Variants in PRKD1 observed in about 807,000 individuals in gnomAD.
PRKD1 encodes the protein serine/threonine-protein kinase D1.
Under a neutral mutation model 95.9 loss-of-function variants are expected in PRKD1, and 63 were observed. The ratio of observed to expected loss-of-function variants is 0.66; its 90% CI spans 0.54 to 0.81. The LOEUF (loss-of-function observed/expected upper bound fraction) is 0.81, where lower values mean the gene tolerates loss of function less well. Ranked by LOEUF, PRKD1 falls within the 30% of genes least tolerant of loss-of-function variation. PRKD1 has a pLI of 0.00. For missense variants in PRKD1, 1,048 were observed against 1,165.3 expected (o/e 0.90, Z 1.47); for synonymous variants, 425 against 423.1 (o/e 1.00, Z -0.05).
intron 1 of PRKD1, among the ~76,000 whole-genome samples, chr14:29,916,403 C>T (rs987018865): frequency 6.6e-6 from 1 of 152,170 alleles, no homozygotes; most frequent in African/African-American, 2.4e-5. Flanking sequence ...CCTCAGGTGC[C>T]ATAAGTCTCA....
intron 1 of PRKD1, among the ~76,000 whole-genome samples, chr14:29,763,125 TAAAAAAAAA>T (rs36087571): frequency 3.1e-5 from 2 of 64,796 alleles, no homozygotes; most frequent in African/African-American, 1.3e-4. Context: ...TCTCTAAAAT[TAAAAAAAAA>T]AAAAAAAAAA....
chr14:29,885,804 T>TAAAAAG lies in PRKD1; in HGVS notation c.264+41444_264+41445insCTTTTT, dbSNP rs1491426418. Reference sequence around the variant, plus strand: ...CAACATGGTGAAACCCCATCTTTACTAAAAAAAAAAAAAAAAAAAAAAAAA... The same window carrying TAAAAAG: ...CAACATGGTGAAACCCCATCTTTACTAAAAAGAAAAAAAAAAAAAAAAAAAAAAAAA... On this transcript the variant is annotated intron_variant, in intron 1 of 17. Coordinates refer to ENST00000331968, the MANE Select transcript of PRKD1 (RefSeq NM_002742.3). Among the ~76,000 whole-genome samples, 35 of 53,486 alleles carry TAAAAAG rather than the reference T, an allele frequency of 6.5e-4. 1 individual carries two copies. The highest frequency in any genetic ancestry group is 2.2e-3 in the African/African-American group (35 of 16,106). The allele number at this position is 53,486 out of a possible 152,430, so 35.1% of individuals were successfully genotyped here. A position where few individuals can be genotyped will look rare whatever the true frequency, so the allele number is the denominator to read the frequency against.
chr14:29,927,380 G>C lies in PRKD1; in HGVS notation c.133C>G (p.Pro45Ala). Residue 45 changes from proline (P) to alanine (A), a missense_variant, in exon 1 of 18, where the codon CCG (proline) becomes GCG (alanine). Physicochemically the swap from Pro to Ala is conservative, Grantham distance 27. This residue lies in a region of PRKD1 where 275 missense variants were observed against 248.6 expected (regional missense o/e 1.11). Transcript: ENST00000331968. ...PAPFLAPVAA[P>A]VGGISFHLQI... ...AGATGGAACGAGATGCCCCCGACCG[G>C]GGCCGCGACAGGAGCCAAGAACGGC... The C allele has an allele frequency of 6.4e-7, 1 of 1,556,122 alleles. No homozygotes were observed. Among genetic ancestry groups the C allele is most frequent in the African/African-American group, 1.4e-5 (1 of 71,070 alleles).
At chr14:29,653,706 T>C (rs960709277) in intron 4 of PRKD1, among the ~76,000 whole-genome samples, 2 of 152,090 alleles carry the variant, frequency 1.3e-5, no homozygotes, top group Non-Finnish European at 2.9e-5. Context: ...TGAAAATATG[T>C]CTTCTCCATG....
At chr14:29,596,571 A>T (rs1893313939) in intron 16 of PRKD1, among the ~76,000 whole-genome samples, 1 of 152,144 alleles carries the variant, frequency 6.6e-6, no homozygotes, top group Admixed American at 6.6e-5. Context: ...CTCCTGCCTC[A>T]GCCTCCTGAG....
intron 13 of PRKD1, among the ~76,000 whole-genome samples, chr14:29,621,788 C>T (rs971348486): frequency 2.6e-5 from 4 of 152,090 alleles, no homozygotes; most frequent in Admixed American, 2.6e-4. Context: ...TCAATAAATA[C>T]TAGTTTGATG....
chr14:29,746,529 T>TACACACACACAC (rs139747043), intron 1 of PRKD1, among the ~76,000 whole-genome samples: 1 of 146,410 alleles, frequency 6.8e-6, no homozygotes. Flanking sequence ...TGTGTACATA[T>TACACACACACAC]ATACACACAC....
intron 2 of PRKD1, among the ~76,000 whole-genome samples, chr14:29,691,175 G>A (rs977082260): frequency 3.3e-5 from 5 of 152,042 alleles, no homozygotes; most frequent in African/African-American, 1.2e-4. Context: ...ATTCTACCGG[G>A]GTCTTTCATA....
At chr14:29,765,149 A>C (rs1888201431) in intron 1 of PRKD1, among the ~76,000 whole-genome samples, 1 of 152,180 alleles carries the variant, frequency 6.6e-6, no homozygotes, top group Admixed American at 6.6e-5. Flanking sequence ...ACTCAACTAA[A>C]TCTGAACACA....
intron 1 of PRKD1, among the ~76,000 whole-genome samples, chr14:29,851,297 G>A (rs1049529710): frequency 6.6e-6 from 1 of 152,098 alleles, no homozygotes; most frequent in African/African-American, 2.4e-5. Flanking sequence ...ATAACCTACA[G>A]AATGGGAGAA....
At chr14:29,629,180 C>T in intron 10 of PRKD1, 87 bp from the exon 11 acceptor site, 2 of 1,100,684 alleles carry the variant, frequency 1.8e-6, no homozygotes, top group South Asian at 1.6e-5. Context: ...TACAAATCAT[C>T]CTGCAAAAGT....
chr14:29,689,453 AAAC>A (rs1387260654), intron 2 of PRKD1, among the ~76,000 whole-genome samples: 7 of 152,054 alleles, frequency 4.6e-5, no homozygotes, highest in East Asian at 2.0e-4. Flanking sequence ...AAAAGTCAAG[AAAC>A]AACAACAACA....
rs147308040 is a variant in PRKD1, at chr14:29,676,177, G to GTTTTT, written c.404-9974_404-9970dup. ...GCTGTAGGCATGCATAGTTCATTAC[G>GTTTTT]TTTTTGTTTTTTTTTTTTTTTTTTT... On this transcript the variant is annotated intron_variant, in intron 2 of 17. Transcript: ENST00000331968. Among the ~76,000 whole-genome samples the GTTTTT allele has an allele frequency of 1.1e-4, 11 of 104,748 alleles. 1 individual carries two copies. The highest frequency in any genetic ancestry group is 2.6e-4 in the East Asian group (1 of 3,794). The allele number at this position is 104,748 out of a possible 152,430, so 68.7% of individuals were successfully genotyped here. A position where few individuals can be genotyped will look rare whatever the true frequency, so the allele number is the denominator to read the frequency against.
intron 2 of PRKD1, among the ~76,000 whole-genome samples, chr14:29,704,627 A>G (rs755547343): frequency 2.3e-4 from 35 of 152,076 alleles, no homozygotes; most frequent in Admixed American, 4.6e-4. Flanking sequence ...TTGTTTCAAT[A>G]CAAATCTCAA....
At position 29,794,302 on chromosome 14, in the gene PRKD1, T is replaced by C. The variant is rs45534842; in HGVS notation, c.265-68628A>G. Among the ~76,000 whole-genome samples the C allele has an allele frequency of 2.3e-4, 35 of 151,872 alleles. 1 individual carries two copies. The East Asian group carries it at 6.8e-3, about 29-fold the overall frequency. ...TAAAGTATAAAATATGCAATAATTATTATGAATATACATGTAAATTCGTGA... is the reference window on the plus strand; with the variant it reads ...TAAAGTATAAAATATGCAATAATTACTATGAATATACATGTAAATTCGTGA... On this transcript the variant is annotated intron_variant, in intron 1 of 17. Transcript: ENST00000331968.
chr14:29,733,771 T>G (rs1215142194), intron 1 of PRKD1, among the ~76,000 whole-genome samples: 1 of 152,124 alleles, frequency 6.6e-6, no homozygotes, highest in Non-Finnish European at 1.5e-5. Context: ...TTATGGGGAT[T>G]ACAATTCAAG....
At chr14:29,828,634 AG>A (rs1208453005) in intron 1 of PRKD1, among the ~76,000 whole-genome samples, 2 of 152,184 alleles carry the variant, frequency 1.3e-5, no homozygotes, top group Admixed American at 1.3e-4. Flanking sequence ...GAAATTCAAC[AG>A]ATAAAAGAAT....
intron 2 of PRKD1, among the ~76,000 whole-genome samples, chr14:29,682,468 C>T (rs2139271453): frequency 6.6e-6 from 1 of 152,224 alleles, no homozygotes; most frequent in Admixed American, 6.5e-5. Context: ...GAAAAATTAG[C>T]TTATATCCTT....
intron 16 of PRKD1, among the ~76,000 whole-genome samples, chr14:29,579,769 T>C (rs1282511776): frequency 6.6e-6 from 1 of 152,154 alleles, no homozygotes; most frequent in African/African-American, 2.4e-5. Context: ...TTTGGAGAAA[T>C]GAAATGCAAC....
Sources: gnomAD v4.1 joint callset for allele counts (sites outside exome capture counted in the v4.1 genomes callset) on GRCh38, gnomAD v4.1.1 for gene constraint, gnomAD v4.1.1 regional missense constraint, MANE v1.5 for transcripts, NCBI Gene and HGNC (gene_info 2026-07-23, HGNC 2026-07-21) for gene names.